The following PTK2 variants were observed in gnomAD, a reference collection of about 807,000 sequenced individuals.
PTK2 encodes the protein focal adhesion kinase 1.
A neutral mutation model predicts 150.1 loss-of-function variants in PTK2; 45 were observed. The observed-to-expected ratio is 0.30, with a 90% CI of 0.24 to 0.38. PTK2 has a LOEUF of 0.38. PTK2 is among the 10% of genes least tolerant of loss of function. The pLI is 1.00. For missense variants in PTK2, 919 were observed against 1,307.3 expected (o/e 0.70, Z 4.58); for synonymous variants, 432 against 449.2 (o/e 0.96, Z 0.48).
chr8:140,992,825 G>A (rs1158313164), intron 1 of PTK2, among the ~76,000 whole-genome samples: 2 of 152,210 alleles, frequency 1.3e-5, no homozygotes, highest in African/African-American at 2.4e-5. Context: ...CAGCAGCACA[G>A]CAGCAAAAGA....
intron 26 of PTK2, among the ~76,000 whole-genome samples, chr8:140,691,199 G>GC (rs2100022997): frequency 6.9e-6 from 1 of 144,218 alleles, no homozygotes; most frequent in African/African-American, 2.5e-5. Flanking sequence ...ATGGTTGGGG[G>GC]TGGGGGGTCT....
intron 5 of PTK2, among the ~76,000 whole-genome samples, chr8:140,857,764 T>C (rs2154605296): frequency 6.6e-6 from 1 of 152,254 alleles, no homozygotes; most frequent in Middle Eastern, 3.4e-3. Flanking sequence ...GTCTTCAAAA[T>C]CTACTCAAAG....
chr8:140,952,844 C>T (rs2100179965), intron 1 of PTK2, among the ~76,000 whole-genome samples: 1 of 152,136 alleles, frequency 6.6e-6, no homozygotes, highest in Admixed American at 6.5e-5. Flanking sequence ...GAAACATGCA[C>T]CAAGATCTAC....
intron 22 of PTK2, among the ~76,000 whole-genome samples, chr8:140,719,603 G>A (rs2154282181): frequency 6.6e-6 from 1 of 152,196 alleles, no homozygotes; most frequent in East Asian, 1.9e-4. Flanking sequence ...TCATCAGTGG[G>A]TATTTCTGAT....
chr8:140,924,344 C>T (rs576764842), intron 2 of PTK2, among the ~76,000 whole-genome samples: 80 of 152,300 alleles, frequency 5.3e-4, no homozygotes, highest in African/African-American at 1.9e-3. Flanking sequence ...TCCCACAGCA[C>T]TTATACCTTC....
intron 27 of PTK2, 36 bp from the exon 31 acceptor site, chr8:140,675,535 A>G (rs377137494): frequency 1.3e-6 from 2 of 1,520,870 alleles, no homozygotes; most frequent in African/African-American, 1.4e-5. Context: ...ATGCACTGGT[A>G]TATACACTTG....
intron 1 of PTK2, among the ~76,000 whole-genome samples, chr8:140,990,383 T>G (rs1418147756): frequency 6.6e-6 from 1 of 152,002 alleles, no homozygotes; most frequent in African/African-American, 2.4e-5. Context: ...TATAGGCATG[T>G]ACCACCACAC....
chr8:140,936,229 C>T (rs762448359), intron 1 of PTK2, among the ~76,000 whole-genome samples: 2 of 152,100 alleles, frequency 1.3e-5, no homozygotes, highest in African/African-American at 2.4e-5. Context: ...CTAATAAAAT[C>T]AATTGTGGGA....
intron 1 of PTK2, among the ~76,000 whole-genome samples, chr8:140,998,983 C>A (rs1031534815): frequency 5.9e-5 from 9 of 152,140 alleles, no homozygotes; most frequent in Non-Finnish European, 1.2e-4. Context: ...TAGTATAAAA[C>A]GTTTTAATGA....
At chr8:140,928,158 T>C (rs1194515154) in intron 1 of PTK2, among the ~76,000 whole-genome samples, 2 of 151,820 alleles carry the variant, frequency 1.3e-5, no homozygotes, top group Non-Finnish European at 2.9e-5. Context: ...GGTTTTGTCA[T>C]GCTGGCATGA....
chr8:140,916,995 G>T (rs2100165506), intron 2 of PTK2, among the ~76,000 whole-genome samples: 1 of 152,196 alleles, frequency 6.6e-6, no homozygotes, highest in Admixed American at 6.5e-5. Flanking sequence ...TTAATGCACA[G>T]AACACAGCAT....
At chr8:140,766,529 C>T (rs1452057806) in intron 14 of PTK2, among the ~76,000 whole-genome samples, 2 of 152,136 alleles carry the variant, frequency 1.3e-5, no homozygotes, top group African/African-American at 4.8e-5. Flanking sequence ...AACTGTATGC[C>T]CACCTCTCTA....
chr8:140,905,810 A>C (rs1053825505), intron 2 of PTK2, among the ~76,000 whole-genome samples: 1 of 152,202 alleles, frequency 6.6e-6, no homozygotes, highest in Non-Finnish European at 1.5e-5. Context: ...AATGGAAATC[A>C]TAACAGTCTC....
At chr8:140,903,052 C>T (rs2154607762) in intron 2 of PTK2, among the ~76,000 whole-genome samples, 1 of 146,442 alleles carries the variant, frequency 6.8e-6, no homozygotes, top group Non-Finnish European at 1.5e-5. Context: ...GAAGTCTTTG[C>T]CCATGCCTAT....
chr8:140,754,654 C>G lies in PTK2; in HGVS notation c.1333-2338G>C, dbSNP rs530476102. Among the ~76,000 whole-genome samples, 8 of 152,260 alleles carry G rather than the reference C, an allele frequency of 5.3e-5. No individual in the cohort carries two copies. In the Middle Eastern group the frequency reaches 0.014, roughly 259 times the overall value. ...CAAACAAAATACTGCTCTTTAAAGA[C>G]CTAGGGTTTCAAATGAATGCTAAGT... On this transcript the variant is annotated intron_variant, in intron 16 of 31. Transcript: ENST00000522684.
intron 19 of PTK2, among the ~76,000 whole-genome samples, chr8:140,743,780 CTTTT>C (rs1187773634): frequency 4.3e-5 from 6 of 138,958 alleles, no homozygotes; most frequent in African/African-American, 1.6e-4. Context: ...TTTTTCTTTT[CTTTT>C]TTTTTTTTTT....
chr8:140,702,325 T>C, intron 25 of PTK2, among the ~76,000 whole-genome samples: 1 of 150,368 alleles, frequency 6.7e-6, no homozygotes, highest in East Asian at 2.0e-4. Flanking sequence ...GCTCAAATGA[T>C]CCTCTCACCC....
chr8:140,838,651 G>A (rs2100120273), intron 7 of PTK2, among the ~76,000 whole-genome samples: 1 of 151,974 alleles, frequency 6.6e-6, no homozygotes, highest in Non-Finnish European at 1.5e-5. Context: ...CAAGAACAAG[G>A]GTGAAATTTT....
In PTK2 at chr8:140,744,691, G is replaced by A; in HGVS notation, c.1595C>T (p.Thr532Ile). The A allele has an allele frequency of 6.2e-7, 1 of 1,604,878 alleles. No individual in the cohort carries two copies. The highest frequency in any genetic ancestry group is 8.5e-7 in the Non-Finnish European group (1 of 1,174,732). The change falls in exon 19 of 32, where the codon ACA becomes ATA. Residue 532 changes from threonine (T) to isoleucine (I), a missense_variant. Transcript: ENST00000522684. Reference sequence around the variant, plus strand: ...TTTGCTCTCTAGATATGCAAGAGCTGTACTAAGCTGATAGGCATACAGGAT... The same window carrying A: ...TTTGCTCTCTAGATATGCAAGAGCTATACTAAGCTGATAGGCATACAGGAT...
Sources: gnomAD v4.1 joint callset for allele counts (sites outside exome capture counted in the v4.1 genomes callset) on GRCh38, gnomAD v4.1.1 for gene constraint, MANE v1.5 for transcripts, NCBI Gene and HGNC (gene_info 2026-07-23, HGNC 2026-07-21) for gene names.